SH3GL3: variants seen among roughly 807,000 people sequenced by gnomAD.
SH3GL3 encodes endophilin-A3.
A neutral mutation model predicts 47.7 loss-of-function variants in SH3GL3; 33 were observed. That is an observed-to-expected ratio of 0.69 (90% confidence interval 0.52 to 0.92). The LOEUF is 0.92. Among genes scored for constraint, SH3GL3 ranks in the 40% least tolerant of loss-of-function variants. The pLI is 0.00. For synonymous variants in SH3GL3, 155 were observed against 148.8 expected (o/e 1.04, Z -0.30); for missense variants, 363 against 417.8 (o/e 0.87, Z 1.14).
the SH3GL3 span, among the ~76,000 whole-genome samples, chr15:83,626,603 G>T: frequency 6.6e-6 from 1 of 152,188 alleles, no homozygotes; most frequent in Admixed American, 6.5e-5. Context: ...CTTCTCAGTT[G>T]GTTCTTAATT....
intron 1 of SH3GL3, among the ~76,000 whole-genome samples, chr15:83,518,282 G>A (rs1235529751): frequency 6.6e-6 from 1 of 152,210 alleles, no homozygotes; most frequent in East Asian, 1.9e-4. Context: ...TTGAATGGTA[G>A]TTTCGTTTTA....
chr15:83,624,558 T>C, the SH3GL3 span, among the ~76,000 whole-genome samples: 13 of 152,352 alleles, frequency 8.5e-5, no homozygotes, highest in South Asian at 2.7e-3. Flanking sequence ...TGTCAGAGCA[T>C]AGAGTCAGGG....
intron 1 of SH3GL3, among the ~76,000 whole-genome samples, chr15:83,520,178 A>T (rs1713947286): frequency 1.3e-5 from 2 of 152,198 alleles, no homozygotes. Flanking sequence ...CAAATCTTTT[A>T]TAATGGGCTG....
Position 83,456,097 on chromosome 15 carries a change from G to T in SH3GL3, c.45+8519G>T, listed in dbSNP as rs534845152. On this transcript the variant is annotated intron_variant, in intron 1 of 8. Transcript: ENST00000427482. ...GAGATGTCAGTGTGCCCCTGATGGG[G>T]GGTGCCTCCCAGTTAGGCTGCTCGG... Among the ~76,000 whole-genome samples, 6 of 91,690 alleles carry T rather than the reference G, an allele frequency of 6.5e-5. 1 individual carries two copies. Among genetic ancestry groups the T allele is most frequent in the East Asian group, 5.3e-4 (1 of 1,896 alleles). 60.2% of individuals were successfully genotyped at this position (91,690 alleles called of 152,430 possible).
At chr15:83,544,391 G>A (rs1951702397) in intron 1 of SH3GL3, among the ~76,000 whole-genome samples, 1 of 151,834 alleles carries the variant, frequency 6.6e-6, no homozygotes, top group South Asian at 2.1e-4. Context: ...GTTTATCCTT[G>A]AGAATGATTG....
intron 1 of SH3GL3, among the ~76,000 whole-genome samples, chr15:83,467,505 G>C (rs2040620853): frequency 6.6e-6 from 1 of 152,094 alleles, no homozygotes; most frequent in Non-Finnish European, 1.5e-5. Context: ...AATTGTTTTA[G>C]CTATTCTAGT....
At chr15:83,493,314 A>T (rs2041951411) in intron 1 of SH3GL3, among the ~76,000 whole-genome samples, 1 of 152,182 alleles carries the variant, frequency 6.6e-6, no homozygotes, top group Non-Finnish European at 1.5e-5. Flanking sequence ...AAGCTGGGTG[A>T]TGGGGACATG....
At chr15:83,632,685 C>T in the SH3GL3 span, among the ~76,000 whole-genome samples, 8 of 152,286 alleles carry the variant, frequency 5.3e-5, no homozygotes, top group Non-Finnish European at 1.2e-4. Context: ...CTTGTGTGAA[C>T]TCACTGTCAT....
chr15:83,506,087 A>G (rs1353698281), intron 1 of SH3GL3, among the ~76,000 whole-genome samples: 4 of 152,164 alleles, frequency 2.6e-5, no homozygotes, highest in Non-Finnish European at 4.4e-5. Context: ...TTTAACATGT[A>G]GGTTTTTTTC....
intron 1 of SH3GL3, among the ~76,000 whole-genome samples, chr15:83,490,497 A>G (rs1567266707): frequency 6.6e-6 from 1 of 152,116 alleles, no homozygotes; most frequent in Non-Finnish European, 1.5e-5. Flanking sequence ...TGTGAGTCTG[A>G]AATATCCACC....
chr15:83,517,916 A>G (rs896962768), intron 1 of SH3GL3, among the ~76,000 whole-genome samples: 5 of 152,014 alleles, frequency 3.3e-5, no homozygotes, highest in Non-Finnish European at 4.4e-5. Context: ...TCCCCCTTCT[A>G]GTAGTCCCCA....
chr15:83,514,048 C>G (rs1167501162), intron 1 of SH3GL3, among the ~76,000 whole-genome samples: 1 of 152,134 alleles, frequency 6.6e-6, no homozygotes, highest in Non-Finnish European at 1.5e-5. Context: ...CACTGAGCTT[C>G]CCTGTAGTGG....
At chr15:83,559,753 A>G (rs1228645573) in intron 2 of SH3GL3, among the ~76,000 whole-genome samples, 7 of 152,224 alleles carry the variant, frequency 4.6e-5, no homozygotes, top group Non-Finnish European at 8.8e-5. Context: ...CTGCATAGCA[A>G]GTAACTTTTA....
intron 2 of SH3GL3, among the ~76,000 whole-genome samples, chr15:83,563,013 A>G (rs1301098216): frequency 6.6e-6 from 1 of 152,120 alleles, no homozygotes; most frequent in Non-Finnish European, 1.5e-5. Flanking sequence ...GTCTTTTAAA[A>G]CTTTCCTGGG....
intron 1 of SH3GL3, among the ~76,000 whole-genome samples, chr15:83,495,878 C>G (rs2042055333): frequency 6.6e-6 from 1 of 151,800 alleles, no homozygotes; most frequent in African/African-American, 2.4e-5. Flanking sequence ...ATTCTAAGTA[C>G]AAATTTTTAT....
At chr15:83,610,582 G>A (rs2060633740) in intron 8 of SH3GL3, among the ~76,000 whole-genome samples, 1 of 152,082 alleles carries the variant, frequency 6.6e-6, no homozygotes, top group South Asian at 2.1e-4. Context: ...AAAAGAGTGG[G>A]GATAAGACCA....
At chr15:83,461,664 A>G (rs1014987923) in intron 1 of SH3GL3, among the ~76,000 whole-genome samples, 1 of 152,150 alleles carries the variant, frequency 6.6e-6, no homozygotes, top group Non-Finnish European at 1.5e-5. Context: ...TTTAAATAAC[A>G]AGATACAATT....
chr15:83,498,357 T>A (rs1246446101), intron 1 of SH3GL3, among the ~76,000 whole-genome samples: 1 of 152,144 alleles, frequency 6.6e-6, no homozygotes, highest in Non-Finnish European at 1.5e-5. Flanking sequence ...TTTCCATGTG[T>A]CTTAGTTTCT....
chr15:83,543,242 GT>G (rs2151705864), intron 1 of SH3GL3, among the ~76,000 whole-genome samples: 1 of 152,186 alleles, frequency 6.6e-6, no homozygotes, highest in South Asian at 2.1e-4. Context: ...TGATCATATG[GT>G]TTTTGTCCTT....
Sources: allele counts gnomAD v4.1 joint callset (sites outside exome capture counted in the v4.1 genomes callset), GRCh38; gene constraint gnomAD v4.1.1; transcripts MANE v1.5; gene names NCBI Gene and HGNC (gene_info 2026-07-23, HGNC 2026-07-21).